Variants in NR2C1 observed in about 807,000 individuals in gnomAD.
The protein encoded by NR2C1 is nuclear receptor subfamily 2 group C member 1.
NR2C1 carries 33 observed loss-of-function variants against 74.8 expected under a neutral mutation model. The ratio of observed to expected loss-of-function variants is 0.44; its 90% CI spans 0.33 to 0.59. The LOEUF (loss-of-function observed/expected upper bound fraction) is 0.59. Among genes scored for constraint, NR2C1 ranks in the 20% least tolerant of loss-of-function variants. The pLI is 0.02. For missense variants in NR2C1, 568 were observed against 715.6 expected, an observed-to-expected ratio of 0.79 and a Z score of 2.35; for synonymous variants, 225 against 240.6, an observed-to-expected ratio of 0.94 and a Z score of 0.60.
At chr12:95,030,948 G>T in intron 11 of NR2C1, 1 of 1,129,262 alleles carries the variant, frequency 8.9e-7, no homozygotes, top group Non-Finnish European at 1.3e-6. Context: ...AATACACTCT[G>T]ATGAATTGAT....
chr12:95,032,131 G>C (rs946734189), intron 10 of NR2C1, among the ~76,000 whole-genome samples: 1 of 152,230 alleles, frequency 6.6e-6, no homozygotes. Flanking sequence ...GCCTCCCAAA[G>C]TGTTGGGATT....
Position 95,052,664 on chromosome 12 carries a change from G to A in NR2C1, c.784-721C>T, listed in dbSNP as rs575097177. Reference sequence around the variant, plus strand: ...AATGGGGTCTTGCTGTGTTGCCCAGGCTGGTCTTGAACTCCTGGTATCAAG... The same window carrying A: ...AATGGGGTCTTGCTGTGTTGCCCAGACTGGTCTTGAACTCCTGGTATCAAG... On this transcript the variant is annotated intron_variant, in intron 7 of 13. Transcript: ENST00000333003. Among the ~76,000 whole-genome samples, 445 of 151,804 alleles carry A rather than the reference G, an allele frequency of 2.9e-3. 2 individuals are homozygous for A. The highest frequency in any genetic ancestry group is 4.0e-3 in the Non-Finnish European group (273 of 67,914).
chr12:95,072,370 C>G (rs1876789032), intron 1 of NR2C1, among the ~76,000 whole-genome samples: 1 of 148,328 alleles, frequency 6.7e-6, no homozygotes, highest in South Asian at 2.1e-4. Context: ...AGGAGAATCG[C>G]TTGAACCTGG....
rs1874254719 is a variant in NR2C1, at chr12:95,058,586, A to C, written c.365-97T>G. ...TTCCCTTTAAACAACATATAAGATG[A>C]AACTGATTTTTGAGCTTCTGACATG... On this transcript the variant is annotated intron_variant, in intron 4 of 13. Coordinates refer to ENST00000333003, the MANE Select transcript of NR2C1 (RefSeq NM_003297.4). The C allele has an allele frequency of 3.1e-6, 3 of 954,602 alleles. No individual in the cohort carries two copies. In the East Asian group the frequency reaches 7.6e-5, roughly 24 times the overall value. 59.1% of individuals were successfully genotyped at this position (954,602 alleles called of 1,614,324 possible).
intron 4 of NR2C1, among the ~76,000 whole-genome samples, chr12:95,059,334 A>G (rs190079138): frequency 6.6e-6 from 1 of 151,888 alleles, no homozygotes; most frequent in African/African-American, 2.4e-5. Context: ...TTACATGTTC[A>G]CTTTCAAAAG....
intron 3 of NR2C1, among the ~76,000 whole-genome samples, chr12:95,061,053 G>T (rs573950299): frequency 6.6e-6 from 1 of 152,280 alleles, no homozygotes; most frequent in South Asian, 2.1e-4. Flanking sequence ...GAGATTAAGG[G>T]ATTTACCCAC....
At chr12:95,036,528 TGAAG>T (rs1870866291) in intron 10 of NR2C1, among the ~76,000 whole-genome samples, 5 of 151,046 alleles carry the variant, frequency 3.3e-5, no homozygotes, top group African/African-American at 1.2e-4. Context: ...TTTTTTTTTT[TGAAG>T]GAGAGTCTCA....
intron 10 of NR2C1, among the ~76,000 whole-genome samples, chr12:95,032,457 CAAAAAAAAAAAGG>C (rs1372535706): frequency 3.3e-5 from 3 of 90,660 alleles, no homozygotes; most frequent in East Asian, 7.1e-4. Context: ...GACTCCGTCT[CAAAAAAAAAAAGG>C]AAAAAAAAAA....
At chr12:95,033,202 T>C (rs1428529024) in intron 10 of NR2C1, among the ~76,000 whole-genome samples, 1 of 150,902 alleles carries the variant, frequency 6.6e-6, no homozygotes, top group East Asian at 1.9e-4. Context: ...GAAATAGCAA[T>C]TAAGAGATTA....
chr12:95,022,891 C>A (rs950852036), intron 13 of NR2C1, among the ~76,000 whole-genome samples: 2 of 149,100 alleles, frequency 1.3e-5, no homozygotes, highest in Non-Finnish European at 3.0e-5. Flanking sequence ...TTTGTAGAGA[C>A]AGGGTCTCAC....
At chr12:95,034,824 G>C (rs549130921) in intron 10 of NR2C1, among the ~76,000 whole-genome samples, 1 of 152,138 alleles carries the variant, frequency 6.6e-6, no homozygotes, top group African/African-American at 2.4e-5. Flanking sequence ...ATATAGCCTT[G>C]ATGTGTAGTA....
chr12:95,060,582 G>A (rs1317440103), intron 3 of NR2C1, among the ~76,000 whole-genome samples: 2 of 152,202 alleles, frequency 1.3e-5, no homozygotes, highest in Admixed American at 1.3e-4. Flanking sequence ...TTGAACCCAG[G>A]CGGCAGAGGT....
rs1868858195 is a variant in NR2C1, at chr12:95,022,376, T to A, written c.1665A>T (p.Pro555=). Residue 555 remains proline (P), a synonymous_variant, in exon 14 of 14, where the codon CCA becomes CCT. Coordinates refer to ENST00000333003, the MANE Select transcript of NR2C1 (RefSeq NM_003297.4). ...YRLSRLLLRL[P]ALRLMNATIT... is the part of the protein sequence containing the mutation. ...TGGTAGCATTCATCAGTCTTAAAGCTGGCAATCTGAGTAGTAGTCTGGATA... is the reference window on the plus strand; with the variant it reads ...TGGTAGCATTCATCAGTCTTAAAGCAGGCAATCTGAGTAGTAGTCTGGATA... 1 of 1,612,490 alleles carries A rather than the reference T, an allele frequency of 6.2e-7. No homozygotes were observed. The highest frequency in any genetic ancestry group is 1.7e-5 in the Admixed American group (1 of 59,668).
At chr12:95,032,922 C>T (rs1279527420) in intron 10 of NR2C1, among the ~76,000 whole-genome samples, 1 of 152,064 alleles carries the variant, frequency 6.6e-6, no homozygotes, top group Admixed American at 6.6e-5. Flanking sequence ...GAGCTGTGAT[C>T]ACACCACTGC....
Position 95,058,344 on chromosome 12 carries a change from T to C in NR2C1, c.510A>G (p.Leu170=), listed in dbSNP as rs773451744. The part of the protein sequence containing the change: ...HHRNRCQYCR[L]QRCIAFGMKQ... ...TCATTCCAAACGCAATACATCTCTG[T>C]AACCTGCAGTATTGACAGCGGTTTC... Residue 170 remains leucine (L), a synonymous_variant, in exon 5 of 14, where the codon TTA becomes TTG. Coordinates refer to ENST00000333003, the MANE Select transcript of NR2C1 (RefSeq NM_003297.4). 3.1e-6 allele frequency: 5 copies of C among 1,613,490 alleles called. No homozygotes were observed. The highest frequency in any genetic ancestry group is 4.2e-6 in the Non-Finnish European group (5 of 1,179,958).
At chr12:95,064,842 T>G (rs1272775690) in intron 2 of NR2C1, among the ~76,000 whole-genome samples, 1 of 152,234 alleles carries the variant, frequency 6.6e-6, no homozygotes, top group Non-Finnish European at 1.5e-5. Context: ...TTTTTTCTAT[T>G]TTTATTTTCC....
intron 10 of NR2C1, 85 bp from the exon 11 acceptor site, chr12:95,031,573 A>G (rs1870112789): frequency 1.0e-6 from 1 of 955,524 alleles, no homozygotes; most frequent in Admixed American, 3.5e-5. Flanking sequence ...ATACTTAAAA[A>G]CAGCATATTA....
At chr12:95,057,005 T>C (rs1294789271) in intron 7 of NR2C1, among the ~76,000 whole-genome samples, 1 of 151,562 alleles carries the variant, frequency 6.6e-6, no homozygotes, top group South Asian at 2.1e-4. Flanking sequence ...AATGTCTTAC[T>C]GAGGACTCGT....
At chr12:95,033,757 T>C (rs994067307) in intron 10 of NR2C1, among the ~76,000 whole-genome samples, 1 of 152,152 alleles carries the variant, frequency 6.6e-6, no homozygotes, top group African/African-American at 2.4e-5. Context: ...CCCTTGCGCA[T>C]TTCTGTATCT....
Sources: allele counts gnomAD v4.1 joint callset (sites outside exome capture counted in the v4.1 genomes callset), GRCh38; gene constraint gnomAD v4.1.1; transcripts MANE v1.5; gene names NCBI Gene and HGNC (gene_info 2026-07-23, HGNC 2026-07-21).